NALCN: variants seen among roughly 807,000 people sequenced by gnomAD.
The protein encoded by NALCN is sodium leak channel, non-selective, also known as sodium leak channel NALCN.
In NALCN, 111 loss-of-function variants were observed where a neutral mutation model predicts 225.3. The observed-to-expected ratio is 0.49, with a 90% CI of 0.42 to 0.58. The LOEUF is 0.58. Ranked by LOEUF, NALCN falls within the 20% of genes least tolerant of loss-of-function variation. The probability of loss-of-function intolerance (pLI) is 0.00; values close to 1 mark genes in which losing one functional copy is unlikely to be tolerated. For missense variants in NALCN, 1,378 were observed against 2,202.4 expected (o/e 0.63, Z 7.49); for synonymous variants, 764 against 769.0 (o/e 0.99, Z 0.11).
At position 101,081,385 on chromosome 13, in the gene NALCN, C is replaced by T. The variant is rs530199712; in HGVS notation, c.3885+142G>A. The T allele has an allele frequency of 9.3e-5, 108 of 1,161,908 alleles. No homozygotes were observed. In the South Asian group the frequency reaches 9.3e-4, roughly 10 times the overall value. 72.0% of individuals were successfully genotyped at this position (1,161,908 alleles called of 1,614,324 possible). ...CACAAGCATGTCTGAGAGCCCATCACAGTCAAAGCTGGGCTTTAGGGAGGT... is the reference window on the plus strand; with the variant it reads ...CACAAGCATGTCTGAGAGCCCATCATAGTCAAAGCTGGGCTTTAGGGAGGT... On this transcript the variant is annotated intron_variant, in intron 34 of 43. Coordinates refer to ENST00000251127, the MANE Select transcript of NALCN (RefSeq NM_052867.4).
intron 14 of NALCN, among the ~76,000 whole-genome samples, chr13:101,189,236 A>G (rs943355763): frequency 1.3e-5 from 2 of 152,194 alleles, no homozygotes; most frequent in African/African-American, 4.8e-5. Context: ...TAAAATTATC[A>G]GAGTCATTGC....
At chr13:101,245,982 G>A (rs1278355920) in intron 11 of NALCN, among the ~76,000 whole-genome samples, 5 of 152,122 alleles carry the variant, frequency 3.3e-5, no homozygotes, top group Admixed American at 1.3e-4. Context: ...ACCTCTAGGG[G>A]GTATTTGGAC....
At chr13:101,322,824 T>C (rs1190270843) in intron 7 of NALCN, among the ~76,000 whole-genome samples, 2 of 152,104 alleles carry the variant, frequency 1.3e-5, no homozygotes, top group African/African-American at 4.8e-5. Context: ...ACAATTCTCC[T>C]ACCTCAGCCT....
intron 6 of NALCN, among the ~76,000 whole-genome samples, chr13:101,368,338 AT>A: frequency 6.6e-6 from 1 of 152,036 alleles, no homozygotes; most frequent in East Asian, 1.9e-4. Flanking sequence ...TGAACTCATC[AT>A]TTTTTATGGC....
chr13:101,093,643 A>G (rs1436053414), intron 28 of NALCN, among the ~76,000 whole-genome samples: 1 of 152,204 alleles, frequency 6.6e-6, no homozygotes, highest in Non-Finnish European at 1.5e-5. Flanking sequence ...AATCCCATGT[A>G]GCTGGTTTTA....
chr13:101,144,063 C>A (rs899291158), intron 16 of NALCN, among the ~76,000 whole-genome samples: 2 of 152,046 alleles, frequency 1.3e-5, no homozygotes, highest in African/African-American at 4.8e-5. Context: ...ACTTTTATAA[C>A]CCCCCACAGA....
intron 7 of NALCN, among the ~76,000 whole-genome samples, chr13:101,298,854 C>G (rs2043849459): frequency 6.6e-6 from 1 of 152,162 alleles, no homozygotes; most frequent in African/African-American, 2.4e-5. Context: ...CACCAGTGGC[C>G]CTTGTTGGAA....
intron 3 of NALCN, among the ~76,000 whole-genome samples, chr13:101,394,862 C>A (rs1230051263): frequency 6.6e-6 from 1 of 152,198 alleles, no homozygotes; most frequent in Non-Finnish European, 1.5e-5. Context: ...TCTGGGCCAG[C>A]CCCTGTGCTG....
At chr13:101,110,543 G>T in intron 20 of NALCN, 76 bp downstream of exon 20, 1 of 1,449,784 alleles carries the variant, frequency 6.9e-7, no homozygotes, top group Admixed American at 1.7e-5. Flanking sequence ...AAAGACACTG[G>T]GCATTGTCTA....
chr13:101,228,569 C>G (rs906269274), intron 13 of NALCN, among the ~76,000 whole-genome samples: 1 of 152,194 alleles, frequency 6.6e-6, no homozygotes, highest in African/African-American at 2.4e-5. Flanking sequence ...CTCATTCTCT[C>G]TTGCCTGCCA....
At chr13:101,095,769 C>T (rs1010994543) in intron 27 of NALCN, 89 bp from the exon 28 acceptor site, 28 of 1,116,516 alleles carry the variant, frequency 2.5e-5, no homozygotes, top group Admixed American at 4.8e-5. Context: ...TCTTCTTTCA[C>T]GGAATCCCAA....
chr13:101,077,842 G>T (rs1426509780), intron 34 of NALCN, among the ~76,000 whole-genome samples: 1 of 152,182 alleles, frequency 6.6e-6, no homozygotes, highest in African/African-American at 2.4e-5. Flanking sequence ...CTTCACAGCA[G>T]CCCCTTCCAT....
intron 1 of NALCN, among the ~76,000 whole-genome samples, chr13:101,416,097 G>T (rs1022700801): frequency 2.0e-5 from 3 of 151,650 alleles, no homozygotes; most frequent in African/African-American, 7.3e-5. Context: ...GGACCCCACC[G>T]CCCCGCTCTC....
At chr13:101,342,507 G>A (rs796076921) in intron 7 of NALCN, among the ~76,000 whole-genome samples, 2 of 152,210 alleles carry the variant, frequency 1.3e-5, no homozygotes, top group African/African-American at 4.8e-5. Flanking sequence ...TCCACAATCA[G>A]CCTTTGCTCT....
chr13:101,270,755 C>G (rs776906716), intron 10 of NALCN, among the ~76,000 whole-genome samples: 47 of 152,198 alleles, frequency 3.1e-4, no homozygotes, highest in Non-Finnish European at 5.6e-4. Flanking sequence ...AACCCTTCTA[C>G]TGCAGATTGT....
intron 13 of NALCN, among the ~76,000 whole-genome samples, chr13:101,203,561 T>C (rs553677514): frequency 6.6e-5 from 10 of 152,334 alleles, no homozygotes; most frequent in African/African-American, 2.2e-4. Flanking sequence ...TTTGGTCATA[T>C]ATGGTGTGAT....
chr13:101,302,451 T>C (rs2044006878), intron 7 of NALCN, among the ~76,000 whole-genome samples: 1 of 152,190 alleles, frequency 6.6e-6, no homozygotes. Flanking sequence ...AAAATCCGAT[T>C]AGGTCTACGT....
intron 17 of NALCN, among the ~76,000 whole-genome samples, chr13:101,129,864 C>T (rs553362537): frequency 1.3e-5 from 2 of 152,070 alleles, no homozygotes; most frequent in South Asian, 2.1e-4. Flanking sequence ...AATGCTATCC[C>T]TCCCCTTGCC....
intron 10 of NALCN, among the ~76,000 whole-genome samples, chr13:101,270,080 G>A (rs996968044): frequency 3.3e-5 from 5 of 152,094 alleles, no homozygotes; most frequent in Non-Finnish European, 4.4e-5. Context: ...AAGGATGGAC[G>A]CATTAGATTA....
Sources: gnomAD v4.1 joint callset for allele counts (sites outside exome capture counted in the v4.1 genomes callset) on GRCh38, gnomAD v4.1.1 for gene constraint, MANE v1.5 for transcripts, NCBI Gene and HGNC (gene_info 2026-07-23, HGNC 2026-07-21) for gene names.